KMT2D: variants seen among roughly 807,000 people sequenced by gnomAD.
KMT2D encodes lysine methyltransferase 2D.
In KMT2D, 55 loss-of-function variants were observed where a neutral mutation model predicts 512.7. That is an observed-to-expected ratio of 0.11 (90% CI 0.09 to 0.13). The LOEUF is 0.13. Ranked by LOEUF, KMT2D falls within the 10% of genes least tolerant of loss-of-function variation. KMT2D has a pLI of 1.00. For synonymous variants in KMT2D, 2,995 were observed against 2,904.0 expected (o/e 1.03, Z -1.01); for missense variants, 6,061 against 7,127.9 (o/e 0.85, Z 5.39).
chr12:49,047,365 T>G (rs1467001723), intron 15 of KMT2D, among the ~76,000 whole-genome samples: 1 of 147,594 alleles, frequency 6.8e-6, no homozygotes, highest in Non-Finnish European at 1.5e-5. Flanking sequence ...GCCAAGCCCC[T>G]AAAAAGAGAC....
intron 1 of KMT2D, among the ~76,000 whole-genome samples, chr12:49,056,184 A>C (rs1467267678): frequency 6.6e-6 from 1 of 152,204 alleles, no homozygotes; most frequent in Non-Finnish European, 1.5e-5. Context: ...TGGGAGTTGT[A>C]GTCTCAGGAA....
chr12:49,041,938 T>G lies in KMT2D; in HGVS notation c.6162A>C (p.Ala2054=). ...QIMKLWRKVP[A]ADKAPYLQKA... ...TCACCAGGTAGGGGGCTTTGTCAGCTGCTGGAACCTTTCTCCAGAGCTTCA... is the reference window on the plus strand; with the variant it reads ...TCACCAGGTAGGGGGCTTTGTCAGCGGCTGGAACCTTTCTCCAGAGCTTCA... Residue 2054 remains alanine, a synonymous_variant, in exon 30 of 55, where the codon GCA becomes GCC. Coordinates refer to ENST00000301067, the MANE Select transcript of KMT2D (RefSeq NM_003482.4). The surrounding 1 kb of genome is among the most constrained non-coding windows in gnomAD (Gnocchi z 5.4). 6.2e-7 allele frequency: 1 copy of G among 1,609,212 alleles called. No homozygotes were observed. Among genetic ancestry groups the G allele is most frequent in the Non-Finnish European group, 8.5e-7 (1 of 1,177,592 alleles).
rs1437048296 is a variant in KMT2D at position 49,041,929 on chromosome 12, T to G, written c.6171A>C (p.Lys2057Asn). ...KLWRKVPAAD[K>N]APYLQKAKDN... ...CTTTCTGCCTCACCAGGTAGGGGGC[T>G]TTGTCAGCTGCTGGAACCTTTCTCC... The change falls in exon 30 of 55, where the codon AAA (lysine) becomes AAC (asparagine). Residue 2057 changes from lysine (K) to asparagine (N), a missense_variant. By Grantham distance (94) the Lys-to-Asn change is moderately conservative (BLOSUM62 0). Transcript: ENST00000301067. This position sits in a 1 kb window ranked among gnomAD's most constrained non-coding sequence, Gnocchi z 5.4. 6.2e-7 allele frequency: 1 copy of G among 1,607,150 alleles called. No individual in the cohort carries two copies. The highest frequency in any genetic ancestry group is 8.5e-7 in the Non-Finnish European group (1 of 1,176,514).
At chr12:49,048,601 C>T in intron 14 of KMT2D, 58 bp downstream of exon 14, 1 of 1,160,132 alleles carries the variant, frequency 8.6e-7, no homozygotes, top group Non-Finnish European at 1.3e-6. Context: ...CCCATCTATC[C>T]TCTCACCAAA....
At chr12:49,028,696 G>A (rs1942736272) in intron 46 of KMT2D, 132 bp downstream of exon 46, 2 of 1,206,500 alleles carry the variant, frequency 1.7e-6, no homozygotes, top group Non-Finnish European at 2.3e-6. Flanking sequence ...ACAGCCTCTA[G>A]CCCAGGCTTT....
chr12:49,037,014 CTTT>C, intron 35 of KMT2D, 108 bp downstream of exon 35: 1 of 1,388,810 alleles, frequency 7.2e-7, no homozygotes, highest in Non-Finnish European at 9.5e-7. Context: ...AGCCAAAGTT[CTTT>C]GTGTCCCATC....
rs2120641814 is a variant in KMT2D, at chr12:49,049,862, C to T, written c.3726G>A (p.Leu1242=). Residue 1242 remains leucine (L), a synonymous_variant, in exon 12 of 55, where the codon TTG becomes TTA. Coordinates refer to ENST00000301067, the MANE Select transcript of KMT2D (RefSeq NM_003482.4). ...CTGGACTAACATCCGTAGAGACCCC[C>T]AACTCCATGGACAGGGAGCCACCCC... ...PEGGGSLSME[L]GVSTDVSPAR... The T allele has an allele frequency of 6.2e-7, 1 of 1,613,980 alleles. No homozygotes were observed. The highest frequency in any genetic ancestry group is 8.5e-7 in the Non-Finnish European group (1 of 1,179,888).
rs2120563631 is a variant in KMT2D at position 49,043,104 on chromosome 12, G to A, written c.5616C>T (p.Ser1872=). ...CTGTGGAAATCCTGTCTAAGTCAGA[G>A]CTAAGCATCCCTTCACCTGGGGTGC... The part of the protein sequence containing the change: ...KPGTPGEGML[S]SDLDRISTEE... Residue 1872 remains serine, a synonymous_variant, in exon 26 of 55, where the codon AGC becomes AGT. Coordinates refer to ENST00000301067, the MANE Select transcript of KMT2D (RefSeq NM_003482.4). 6.2e-7 allele frequency: 1 copy of A among 1,613,902 alleles called. No individual in the cohort carries two copies. The highest frequency in any genetic ancestry group is 1.1e-5 in the South Asian group (1 of 91,082).
Position 49,030,640 on chromosome 12 carries a change from C to G in KMT2D, c.13800G>C (p.Leu4600=), listed in dbSNP as rs1259882129. 5 of 1,604,816 alleles carry G rather than the reference C, an allele frequency of 3.1e-6. No homozygotes were observed. In the African/African-American group the frequency reaches 5.4e-5, roughly 17 times the overall value. Reference sequence around the variant, plus strand: ...GGGAATAGTAGTCAGGGCCAGTGGGCAGCGCCCCACTTCCAAAGGCCCCCC... The same window carrying G: ...GGGAATAGTAGTCAGGGCCAGTGGGGAGCGCCCCACTTCCAAAGGCCCCCC... ...QLRGAFGSGA[L]PTGPDYYSQL... Residue 4600 remains leucine (L), a synonymous_variant, in exon 42 of 55, where the codon CTG becomes CTC. Coordinates refer to ENST00000301067, the MANE Select transcript of KMT2D (RefSeq NM_003482.4).
intron 2 of KMT2D, 88 bp downstream of exon 2, chr12:49,055,188 T>A: frequency 6.5e-6 from 10 of 1,549,478 alleles, no homozygotes; most frequent in Non-Finnish European, 8.9e-6. Context: ...ATCTGCTACA[T>A]AGACTTAGCT....
In KMT2D at chr12:49,041,488, G is replaced by T. The variant is rs1204779975; in HGVS notation, c.6282C>A (p.Ala2094=). 1 of 1,613,604 alleles carries T rather than the reference G, an allele frequency of 6.2e-7. No individual in the cohort carries two copies. Among genetic ancestry groups the T allele is most frequent in the Non-Finnish European group, 8.5e-7 (1 of 1,179,686 alleles). ...INKQTKVGDI[A]RKTDRPALHL... is the part of the protein sequence containing the mutation. ...GTAGGGCCGGTCGGTCAGTCTTACGGGCTATGTCGCCCACCTTGGTCTGCT... is the reference window on the plus strand; with the variant it reads ...GTAGGGCCGGTCGGTCAGTCTTACGTGCTATGTCGCCCACCTTGGTCTGCT... The change falls in exon 32 of 55, where the codon GCC becomes GCA. Residue 2094 remains alanine, a synonymous_variant. Transcript: ENST00000301067. This position sits in a 1 kb window ranked among gnomAD's most constrained non-coding sequence, Gnocchi z 5.4.
At chr12:49,031,076 A>G (rs2120414986) in intron 40 of KMT2D, 43 bp from the exon 41 acceptor site, 1 of 1,612,344 alleles carries the variant, frequency 6.2e-7, no homozygotes, top group Non-Finnish European at 8.5e-7. Flanking sequence ...CCTCCTCCTC[A>G]GAGCCCTCAT....
In KMT2D at chr12:49,033,523, T is replaced by C. The variant is rs1426418887; in HGVS notation, c.11182A>G (p.Met3728Val). Reference sequence around the variant, plus strand: ...TGCTGCAGTTTCTGGGCCAGCTGCATACGTTGCTGCTGCAGCTGCAGCTGC... The same window carrying C: ...TGCTGCAGTTTCTGGGCCAGCTGCACACGTTGCTGCTGCAGCTGCAGCTGC... Reference protein sequence around the residue: ...ERQLQLQQQRMQLAQKLQQQQ... With the variant: ...ERQLQLQQQRVQLAQKLQQQQ... Residue 3728 changes from methionine to valine, a missense_variant, in exon 40 of 55, where the codon ATG (methionine) becomes GTG (valine). Met to Val is a conservative substitution (Grantham distance 21). Transcript: ENST00000301067. The C allele has an allele frequency of 1.2e-6, 2 of 1,613,284 alleles. No homozygotes were observed. Among genetic ancestry groups the C allele is most frequent in the South Asian group, 2.2e-5 (2 of 91,074 alleles).
chr12:49,034,985 T>G (rs2120463083), intron 35 of KMT2D, 50 bp from the exon 36 acceptor site: 1 of 1,604,490 alleles, frequency 6.2e-7, no homozygotes, highest in East Asian at 2.2e-5. Context: ...AATGCTCCAG[T>G]GAATATCTGC....
chr12:49,026,348 A>G lies in KMT2D; in HGVS notation c.15618T>C (p.Tyr5206=), dbSNP rs1942588461. 3 of 1,612,682 alleles carry G rather than the reference A, an allele frequency of 1.9e-6. No individual in the cohort carries two copies. Among genetic ancestry groups the G allele is most frequent in the Middle Eastern group, 1.7e-4 (1 of 6,058 alleles). ...TGCGCGTGGCCTCGTAGCCCACGGG[A>G]TAGAGGGCAGTGGCACTATGAAAGT... ...MADFHSATAL[Y]PVGYEATRIY... The change falls in exon 49 of 55, where the codon TAT becomes TAC. Residue 5206 remains tyrosine, a synonymous_variant. Transcript: ENST00000301067. The surrounding 1 kb of genome is among the most constrained non-coding windows in gnomAD (Gnocchi z 9.6).
At position 49,031,770 on chromosome 12, in the gene KMT2D, G is replaced by A. The variant is rs1565772915; in HGVS notation, c.12935C>T (p.Ser4312Phe). The change falls in exon 40 of 55, where the codon TCC becomes TTC. Residue 4312 changes from serine to phenylalanine, a missense_variant. Transcript: ENST00000301067. Reference sequence around the variant, plus strand: ...AGGTCTCTTTGGCTCTTGAGGGCTGGATGGTGGAGGTGTGGGATGGACAGG... The same window carrying A: ...AGGTCTCTTTGGCTCTTGAGGGCTGAATGGTGGAGGTGTGGGATGGACAGG... Reference protein sequence around the residue: ...LGPVHPTPPPSSPQEPKRPSQ... With the variant: ...LGPVHPTPPPFSPQEPKRPSQ... 6.2e-7 allele frequency: 1 copy of A among 1,611,964 alleles called. No individual in the cohort carries two copies. The highest frequency in any genetic ancestry group is 1.1e-5 in the South Asian group (1 of 90,730).
At position 49,050,480 on chromosome 12, in the gene KMT2D, G is replaced by A; in HGVS notation, c.3108C>T (p.Asn1036=). ...PLLQHSLVPQ[N]SPPSQCSPPA... ...GAGGAGAGCACTGGGAAGGAGGGGA[G>A]TTTTGGGGAACCAGGGAATGCTGAA... Residue 1036 remains asparagine (N), a synonymous_variant, in exon 12 of 55, where the codon AAC becomes AAT. Coordinates refer to ENST00000301067, the MANE Select transcript of KMT2D (RefSeq NM_003482.4). 1.9e-6 allele frequency: 3 copies of A among 1,613,580 alleles called. No individual in the cohort carries two copies. Among genetic ancestry groups the A allele is most frequent in the South Asian group, 2.2e-5 (2 of 91,084 alleles).
Position 49,044,838 on chromosome 12 carries a change from C to T in KMT2D, c.4869G>A (p.Glu1623=). ...AGGGCTCAGAACCCTCCAATCCTGCCTCGCCTGGGAGGCCAAGCCGTCCTC... is the reference window on the plus strand; with the variant it reads ...AGGGCTCAGAACCCTCCAATCCTGCTTCGCCTGGGAGGCCAAGCCGTCCTC... ...QRRGRLGLPG[E]AGLEGSEPSD... is the part of the protein sequence containing the mutation. Residue 1623 remains glutamate (E), a synonymous_variant, in exon 20 of 55, where the codon GAG becomes GAA. Transcript: ENST00000301067. This position sits in a 1 kb window ranked among gnomAD's most constrained non-coding sequence, Gnocchi z 6.4. 1.2e-6 allele frequency: 2 copies of T among 1,614,088 alleles called. No homozygotes were observed. Among genetic ancestry groups the T allele is most frequent in the Middle Eastern group, 3.3e-4 (2 of 6,062 alleles).
At chr12:49,025,499 G>A (rs1001179374) in intron 49 of KMT2D, among the ~76,000 whole-genome samples, 2 of 152,130 alleles carry the variant, frequency 1.3e-5, no homozygotes, top group East Asian at 1.9e-4. Flanking sequence ...GGGGTATACC[G>A]CAGAGCCTAG....
Sources: allele counts gnomAD v4.1 joint callset (sites outside exome capture counted in the v4.1 genomes callset), GRCh38; gene constraint gnomAD v4.1.1; non-coding constraint Gnocchi (gnomAD v3.1); transcripts MANE v1.5; gene names NCBI Gene and HGNC (gene_info 2026-07-23, HGNC 2026-07-21).